MAFF: variants seen among roughly 807,000 people sequenced by gnomAD.
MAFF encodes the protein transcription factor MafF.
In MAFF, 4 loss-of-function variants were observed where a neutral mutation model predicts 2.7. The ratio of observed to expected loss-of-function variants is 1.48; its 90% CI spans 0.73 to 3.39. The LOEUF is 3.39. Among genes scored for constraint, MAFF ranks in the 30% most tolerant of loss-of-function variants. The pLI is 0.01. For missense variants in MAFF, 190 were observed against 246.6 expected (o/e 0.77, Z 1.54); for synonymous variants, 113 against 119.4 (o/e 0.95, Z 0.35).
At chr22:38,206,740 G>A (rs1366874179) in intron 1 of MAFF, among the ~76,000 whole-genome samples, 1 of 152,158 alleles carries the variant, frequency 6.6e-6, no homozygotes, top group Non-Finnish European at 1.5e-5. Context: ...AATGACTTGT[G>A]CATGAGGCCA....
At chr22:38,211,837 T>C (rs369379937) in intron 1 of MAFF, among the ~76,000 whole-genome samples, 4 of 152,306 alleles carry the variant, frequency 2.6e-5, no homozygotes, top group African/African-American at 9.6e-5. Context: ...AGCCAACCCG[T>C]GAGGTCAACC....
chr22:38,207,438 T>C (rs2413509), intron 1 of MAFF, among the ~76,000 whole-genome samples: 6,904 of 37,294 alleles, frequency 0.19, 298 homozygotes, highest in African/African-American at 0.24. Flanking sequence ...TTTTTTTTTT[T>C]TTTTTTTTTT....
intron 1 of MAFF, among the ~76,000 whole-genome samples, chr22:38,208,824 A>C (rs2091073634): frequency 1.3e-5 from 2 of 152,078 alleles, no homozygotes; most frequent in Admixed American, 1.3e-4. Context: ...CTGCCAAACA[A>C]AGTAGAGGGG....
At chr22:38,207,442 T>A (rs867751394) in intron 1 of MAFF, among the ~76,000 whole-genome samples, 1 of 95,728 alleles carries the variant, frequency 1.0e-5, no homozygotes, top group Non-Finnish European at 2.0e-5. Context: ...TTTTTTTTTT[T>A]TTTTTTTTTT....
chr22:38,210,461 G>T (rs1237120585), intron 1 of MAFF, among the ~76,000 whole-genome samples: 1 of 152,170 alleles, frequency 6.6e-6, no homozygotes, highest in African/African-American at 2.4e-5. Context: ...GCGGTTCTAG[G>T]CATGGGGGAG....
Position 38,214,008 on chromosome 22 carries a change from C to G in MAFF, c.36+119C>G. ...CCTGGGTGGCTCAGCAGGCACCAGG[C>G]CTTCATGATGCCAAAGGGAAGGGCC... On this transcript the variant is annotated intron_variant, in intron 2 of 2. Transcript: ENST00000338483. This position sits in a 1 kb window ranked among gnomAD's most constrained non-coding sequence, Gnocchi z 6.3. 2.8e-6 allele frequency: 3 copies of G among 1,068,720 alleles called. No homozygotes were observed. The highest frequency in any genetic ancestry group is 2.8e-6 in the Non-Finnish European group (2 of 712,692). The allele number at this position is 1,068,720 out of a possible 1,614,324, so 66.2% of individuals were successfully genotyped here.
At chr22:38,208,435 T>G (rs545298956) in intron 1 of MAFF, among the ~76,000 whole-genome samples, 3 of 152,168 alleles carry the variant, frequency 2.0e-5, no homozygotes, top group Non-Finnish European at 4.4e-5. Flanking sequence ...CCCTCTGCTC[T>G]CTTCCCATTC....
At chr22:38,213,176 CAAAAAAAAAAAAA>C (rs57782814) in intron 1 of MAFF, among the ~76,000 whole-genome samples, 130 of 114,088 alleles carry the variant, frequency 1.1e-3, no homozygotes, top group Admixed American at 1.4e-3. Flanking sequence ...GACTCTGTCT[CAAAAAAAAAAAAA>C]AAAAAAAAAA....
chr22:38,209,256 G>A (rs1000828812), intron 1 of MAFF, among the ~76,000 whole-genome samples: 5 of 151,770 alleles, frequency 3.3e-5, no homozygotes, highest in Admixed American at 6.6e-5. Context: ...TAGTAGAGAC[G>A]GGGTTTCACC....
intron 1 of MAFF, 154 bp from the exon 2 acceptor site, chr22:38,213,669 G>A (rs964755814): frequency 2.9e-6 from 2 of 701,680 alleles, no homozygotes; most frequent in African/African-American, 3.5e-5. Context: ...GCCATTCAAG[G>A]AGGCCTGTGG....
rs771500797 is a variant in MAFF at position 38,214,662 on chromosome 22, G to C, written c.279G>C (p.Leu93=). The C allele has an allele frequency of 1.2e-5, 19 of 1,553,744 alleles. 1 individual carries two copies. In the South Asian group the frequency reaches 2.2e-4, roughly 18 times the overall value. The change falls in exon 3 of 3, where the codon CTG becomes CTC. Residue 93 remains leucine, a synonymous_variant. Transcript: ENST00000338483. This position sits in a 1 kb window ranked among gnomAD's most constrained non-coding sequence, Gnocchi z 6.3. The stretch of plus-strand genomic sequence containing the variant: ...AGCTGGAGCGCGAGGTGGACAAGCT[G>C]GCGCGCGAGAACGCCGCCATGCGCC... ...KSELEREVDK[L]ARENAAMRLE...
At position 38,215,351 on chromosome 22, in the gene MAFF, G is replaced by T. The variant is rs1285745081; in HGVS notation, c.*473G>T. The T allele has an allele frequency of 5.9e-6, 1 of 169,638 alleles. No homozygotes were observed. Among genetic ancestry groups the T allele is most frequent in the Admixed American group, 6.5e-5 (1 of 15,302 alleles). 10.5% of individuals were successfully genotyped at this position (169,638 alleles called of 1,614,324 possible). The stretch of plus-strand genomic sequence containing the variant: ...CCCACCTCTGGTTGGGCCTGGGGGT[G>T]CCTGGCCTTCCGAAACTAAAAGAGT... On this transcript the variant is annotated 3_prime_UTR_variant, in exon 3 of 3. Coordinates refer to ENST00000338483, the MANE Select transcript of MAFF (RefSeq NM_012323.4).
At chr22:38,213,650 C>A (rs2091119342) in intron 1 of MAFF, 173 bp from the exon 2 acceptor site, 1 of 687,264 alleles carries the variant, frequency 1.5e-6, no homozygotes, top group Non-Finnish European at 2.7e-6. Flanking sequence ...GCTCCCGCGG[C>A]TGGAAGGAGC....
At chr22:38,209,312 G>A (rs971290869) in intron 1 of MAFF, among the ~76,000 whole-genome samples, 8 of 151,840 alleles carry the variant, frequency 5.3e-5, no homozygotes, top group Non-Finnish European at 7.4e-5. Flanking sequence ...TGATCCGCCC[G>A]CCTCAGCCTC....
rs1169600307 is a variant in MAFF at position 38,214,701 on chromosome 22, G to A, written c.318G>A (p.Ala106=). Residue 106 remains alanine (A), a synonymous_variant, in exon 3 of 3, where the codon GCG becomes GCA. Transcript: ENST00000338483. This position sits in a 1 kb window ranked among gnomAD's most constrained non-coding sequence, Gnocchi z 6.3. ...CCGCCATGCGCCTGGAGCTCGACGC[G>A]CTGCGCGGCAAGTGCGAGGCGCTGC... The part of the protein sequence containing the change: ...ENAAMRLELD[A]LRGKCEALQG... The A allele has an allele frequency of 1.3e-6, 2 of 1,540,338 alleles. No homozygotes were observed. The highest frequency in any genetic ancestry group is 1.7e-6 in the Non-Finnish European group (2 of 1,144,776).
intron 1 of MAFF, among the ~76,000 whole-genome samples, chr22:38,209,538 C>A (rs892493844): frequency 6.6e-6 from 1 of 151,732 alleles, no homozygotes; most frequent in South Asian, 2.1e-4. Flanking sequence ...TTGGGTTGGG[C>A]GTGGTGGCTC....
At chr22:38,204,443 C>T (rs1270325736) in intron 1 of MAFF, among the ~76,000 whole-genome samples, 1 of 152,170 alleles carries the variant, frequency 6.6e-6, no homozygotes, top group African/African-American at 2.4e-5. Context: ...CTGTGATTCA[C>T]TTCAGGGTCT....
At chr22:38,209,074 GT>G (rs2091076264) in intron 1 of MAFF, among the ~76,000 whole-genome samples, 1 of 151,536 alleles carries the variant, frequency 6.6e-6, no homozygotes, top group Admixed American at 6.6e-5. Flanking sequence ...TTGTTTTTGT[GT>G]TTGTTTTTGA....
chr22:38,215,163 G>C lies in MAFF; in HGVS notation c.*285G>C, dbSNP rs955138586. The C allele has an allele frequency of 2.6e-6, 1 of 382,174 alleles. No homozygotes were observed. Among genetic ancestry groups the C allele is most frequent in the Non-Finnish European group, 5.0e-6 (1 of 201,622 alleles). The allele number at this position is 382,174 out of a possible 1,614,324, so 23.7% of individuals were successfully genotyped here. On this transcript the variant is annotated 3_prime_UTR_variant, in exon 3 of 3. Coordinates refer to ENST00000338483, the MANE Select transcript of MAFF (RefSeq NM_012323.4). ...TTTTTAGATTGAGAGATACAGAGCC[G>C]GCTTAGAGAACAGCTGTTGGGGGAG...
Sources: allele counts gnomAD v4.1 joint callset (sites outside exome capture counted in the v4.1 genomes callset), GRCh38; gene constraint gnomAD v4.1.1; non-coding constraint Gnocchi (gnomAD v3.1); transcripts MANE v1.5; gene names NCBI Gene and HGNC (gene_info 2026-07-23, HGNC 2026-07-21).